Variants in CNTLN observed in about 807,000 individuals in gnomAD.
CNTLN encodes centlein.
CNTLN carries 212 observed loss-of-function variants against 180.0 expected under a neutral mutation model. That is an observed-to-expected ratio of 1.18 (90% CI 1.05 to 1.32). CNTLN has a LOEUF of 1.32. CNTLN is among the 40% of genes most tolerant of loss of function. The probability of loss-of-function intolerance (pLI) is 0.00; values close to 1 mark genes in which losing one functional copy is unlikely to be tolerated. For synonymous variants in CNTLN, 722 were observed against 563.1 expected, an observed-to-expected ratio of 1.28 and a Z score of -3.99; for missense variants, 2,095 against 1,610.9, an observed-to-expected ratio of 1.30 and a Z score of -5.14.
intron 23 of CNTLN, among the ~76,000 whole-genome samples, chr9:17,475,624 G>A (rs1030637179): frequency 2.6e-5 from 4 of 151,964 alleles, no homozygotes; most frequent in Non-Finnish European, 5.9e-5. Context: ...TGTAATCCTA[G>A]CACTTCGGGA....
chr9:17,430,080 A>G (rs1452644732), intron 18 of CNTLN, among the ~76,000 whole-genome samples: 1 of 152,024 alleles, frequency 6.6e-6, no homozygotes, highest in African/African-American at 2.4e-5. Flanking sequence ...TGAAGAAGGT[A>G]TGAAGTTATT....
At chr9:17,225,014 A>G (rs1234559410) in intron 2 of CNTLN, among the ~76,000 whole-genome samples, 3 of 151,974 alleles carry the variant, frequency 2.0e-5, no homozygotes, top group Admixed American at 6.6e-5. Context: ...TAGAAATTTT[A>G]TAGTTGCCTT....
At chr9:17,456,698 G>T (rs1235702201) in intron 18 of CNTLN, among the ~76,000 whole-genome samples, 2 of 151,926 alleles carry the variant, frequency 1.3e-5, no homozygotes, top group Non-Finnish European at 2.9e-5. Context: ...TTATGTTAAG[G>T]TACCACATTA....
At position 17,503,199 on chromosome 9, in the gene CNTLN, G is replaced by C. The variant is rs1274041157; in HGVS notation, c.*547G>C. On this transcript the variant is annotated 3_prime_UTR_variant, in exon 26 of 26. Transcript: ENST00000380647. Reference sequence around the variant, plus strand: ...TGTGCTGGTTTATGTAGGAGATACTGTGTATTTCTACAACTCTTTGGCAAA... The same window carrying C: ...TGTGCTGGTTTATGTAGGAGATACTCTGTATTTCTACAACTCTTTGGCAAA... The C allele has an allele frequency of 6.6e-6, 1 of 152,230 alleles. No homozygotes were observed. The highest frequency in any genetic ancestry group is 2.4e-5 in the African/African-American group (1 of 41,434). 9.4% of individuals were successfully genotyped at this position (152,230 alleles called of 1,614,324 possible).
rs114419708 is a variant in CNTLN at position 17,219,105 on chromosome 9, C to T, written c.450-7098C>T. Among the ~76,000 whole-genome samples, 788 of 152,208 alleles carry T rather than the reference C, an allele frequency of 5.2e-3. 5 individuals are homozygous for T. The highest frequency in any genetic ancestry group is 0.018 in the African/African-American group (755 of 41,546). ...TTGTACAGATTTGACAGCCTCTCTTCGCTTCATTTTTCATTCTAAAGAAGT... is the reference window on the plus strand; with the variant it reads ...TTGTACAGATTTGACAGCCTCTCTTTGCTTCATTTTTCATTCTAAAGAAGT... On this transcript the variant is annotated intron_variant, in intron 2 of 25. Coordinates refer to ENST00000380647, the MANE Select transcript of CNTLN (RefSeq NM_017738.4).
At chr9:17,274,106 A>G (rs1463462685) in intron 6 of CNTLN, among the ~76,000 whole-genome samples, 2 of 152,130 alleles carry the variant, frequency 1.3e-5, no homozygotes, top group African/African-American at 4.8e-5. Context: ...AGTTTTTAAC[A>G]AGGATATTGC....
chr9:17,264,534 T>G (rs1172147600), intron 5 of CNTLN, among the ~76,000 whole-genome samples: 2 of 151,030 alleles, frequency 1.3e-5, no homozygotes, highest in African/African-American at 2.4e-5. Context: ...TGGGCTCTCT[T>G]TTGGTTCCAT....
the CNTLN span, among the ~76,000 whole-genome samples, chr9:17,519,244 GTTTT>G: frequency 7.0e-6 from 1 of 143,502 alleles, no homozygotes; most frequent in South Asian, 2.2e-4. Context: ...AGATTTGAGT[GTTTT>G]TTTTTTTTTT....
At chr9:17,153,783 A>C (rs1336932393) in intron 2 of CNTLN, among the ~76,000 whole-genome samples, 1 of 152,186 alleles carries the variant, frequency 6.6e-6, no homozygotes, top group Non-Finnish European at 1.5e-5. Flanking sequence ...CGTCACTTTC[A>C]GGTACACCAA....
At chr9:17,494,434 G>A (rs566221044) in intron 25 of CNTLN, among the ~76,000 whole-genome samples, 4 of 152,098 alleles carry the variant, frequency 2.6e-5, no homozygotes, top group East Asian at 1.9e-4. Context: ...AACTCATGTC[G>A]TGGGGGTTTG....
intron 12 of CNTLN, among the ~76,000 whole-genome samples, chr9:17,348,889 T>A (rs1482625201): frequency 1.3e-5 from 2 of 152,152 alleles, no homozygotes; most frequent in African/African-American, 4.8e-5. Context: ...TCCCCCTAGT[T>A]GATTATGGCT....
chr9:17,510,845 A>G, the CNTLN span, among the ~76,000 whole-genome samples: 462 of 152,350 alleles, frequency 3.0e-3, 7 homozygotes, highest in African/African-American at 0.011. Flanking sequence ...ATTCAAGTAC[A>G]GGTTTTTGTA....
In CNTLN at chr9:17,416,194, A is replaced by G; in HGVS notation, c.3114+5A>G. On this transcript the variant is annotated splice_donor_5th_base_variant and intron_variant, in intron 18 of 25. Transcript: ENST00000380647. ...ACAAGCAGGCAGACAATAAAGGTAA[A>G]GAGAACTTTAAGATTGAACAGTAGT... 2 of 1,605,674 alleles carry G rather than the reference A, an allele frequency of 1.2e-6. No homozygotes were observed. The highest frequency in any genetic ancestry group is 1.7e-6 in the Non-Finnish European group (2 of 1,174,698).
At chr9:17,368,156 C>T (rs1823992017) in intron 13 of CNTLN, among the ~76,000 whole-genome samples, 1 of 151,954 alleles carries the variant, frequency 6.6e-6, no homozygotes, top group African/African-American at 2.4e-5. Flanking sequence ...GCATTTGTGG[C>T]AAGCTGACTG....
At chr9:17,413,765 G>A (rs1490165885) in intron 16 of CNTLN, among the ~76,000 whole-genome samples, 2 of 152,162 alleles carry the variant, frequency 1.3e-5, no homozygotes, top group African/African-American at 2.4e-5. Context: ...TATTGTTCAT[G>A]TGAATATAAA....
chr9:17,323,960 C>CA (rs1820096961), intron 8 of CNTLN, among the ~76,000 whole-genome samples: 1 of 152,098 alleles, frequency 6.6e-6, no homozygotes, highest in Non-Finnish European at 1.5e-5. Context: ...TTCACATAAA[C>CA]ACAGGTGGCG....
chr9:17,336,939 C>T (rs959703554), intron 10 of CNTLN, among the ~76,000 whole-genome samples: 11 of 152,156 alleles, frequency 7.2e-5, no homozygotes, highest in Non-Finnish European at 1.3e-4. Context: ...CAACAGTGTA[C>T]AAGTGTTTCT....
At chr9:17,185,462 A>T (rs1821369853) in intron 2 of CNTLN, among the ~76,000 whole-genome samples, 1 of 152,092 alleles carries the variant, frequency 6.6e-6, no homozygotes, top group Admixed American at 6.6e-5. Flanking sequence ...GTCACAGCAA[A>T]CGTTTTCTTT....
chr9:17,506,177 A>T (rs920950631), downstream of CNTLN, among the ~76,000 whole-genome samples: 6 of 152,158 alleles, frequency 3.9e-5, no homozygotes, highest in African/African-American at 1.4e-4. Context: ...AATGTAGAAT[A>T]TAACATGAGA....
Sources: allele counts gnomAD v4.1 joint callset (sites outside exome capture counted in the v4.1 genomes callset), GRCh38; gene constraint gnomAD v4.1.1; transcripts MANE v1.5; gene names NCBI Gene and HGNC (gene_info 2026-07-23, HGNC 2026-07-21).